The following HEPACAM2 variants were observed in gnomAD, a reference collection of about 807,000 sequenced individuals.
The protein encoded by HEPACAM2 is mitotic kinetics regulator.
HEPACAM2 carries 49 observed loss-of-function variants against 49.6 expected under a neutral mutation model. That is an observed-to-expected ratio of 0.99 (90% CI 0.78 to 1.25). The LOEUF (loss-of-function observed/expected upper bound fraction) is 1.25, where lower values mean the gene tolerates loss of function less well. Ranked by LOEUF, HEPACAM2 falls within the 50% of genes most tolerant of loss-of-function variation. HEPACAM2 has a pLI of 0.00. For synonymous variants in HEPACAM2, 197 were observed against 202.9 expected (o/e 0.97, Z 0.25); for missense variants, 525 against 557.2 (o/e 0.94, Z 0.58).
At chr7:93,199,782 AT>A (rs1402725367) in intron 4 of HEPACAM2, among the ~76,000 whole-genome samples, 18 of 151,970 alleles carry the variant, frequency 1.2e-4, no homozygotes, top group East Asian at 5.8e-4. Flanking sequence ...AATTTCCACT[AT>A]TTTTTTCCCT....
At chr7:93,222,168 C>T (rs1443571541) in intron 1 of HEPACAM2, among the ~76,000 whole-genome samples, 2 of 152,084 alleles carry the variant, frequency 1.3e-5, no homozygotes, top group Admixed American at 6.5e-5. Context: ...TTTAGTAAGA[C>T]ATTGGGCCTT....
Position 93,197,386 on chromosome 7 carries a change from T to C in HEPACAM2, c.1150A>G (p.Lys384Glu). 1 of 1,601,042 alleles carries C rather than the reference T, an allele frequency of 6.2e-7. No homozygotes were observed. The highest frequency in any genetic ancestry group is 8.5e-7 in the Non-Finnish European group (1 of 1,173,844). The change falls in exon 6 of 10, where the codon AAA (lysine) becomes GAA (glutamate). Residue 384 changes from lysine to glutamate, a missense_variant. By Grantham distance (56) the Lys-to-Glu change is moderately conservative (BLOSUM62 1). Transcript: ENST00000394468. ...CAGATGCATTACCTGCCTTCTAGTTTCTGTTTTATAACTAAAATCAAGAGA... is the reference window on the plus strand; with the variant it reads ...CAGATGCATTACCTGCCTTCTAGTTCCTGTTTTATAACTAAAATCAAGAGA... ...KYQPYKVIKQ[K>E]LEGRPETEYR...
intron 4 of HEPACAM2, 137 bp from the exon 5 acceptor site, chr7:93,197,747 G>C: frequency 1.7e-6 from 1 of 596,634 alleles, no homozygotes; most frequent in African/African-American, 1.9e-5. Context: ...CAGAGAGAGA[G>C]AGAGACCAAA....
At chr7:93,201,178 G>T (rs6979254) in intron 4 of HEPACAM2, among the ~76,000 whole-genome samples, 60,652 of 151,960 alleles carry the variant, frequency 0.4, 15,025 homozygotes, top group South Asian at 0.54. Flanking sequence ...CTGCTATATA[G>T]CTATGCTAGC....
the HEPACAM2 span, among the ~76,000 whole-genome samples, chr7:93,231,895 A>T: frequency 6.6e-6 from 1 of 152,022 alleles, no homozygotes; most frequent in East Asian, 1.9e-4. Context: ...CTCAGGCCAA[A>T]CCCAGCGCGC....
intron 2 of HEPACAM2, among the ~76,000 whole-genome samples, chr7:93,218,753 A>G (rs10235606): frequency 0.6 from 90,627 of 151,786 alleles, 30,008 homozygotes; most frequent in African/African-American, 0.9. Context: ...CAAAAATAGG[A>G]CTCTTCCCAG....
chr7:93,222,807 C>T (rs1487760318), intron 1 of HEPACAM2, among the ~76,000 whole-genome samples: 1 of 152,026 alleles, frequency 6.6e-6, no homozygotes. Context: ...GTAGCAGCTA[C>T]CTATATTTGA....
intron 2 of HEPACAM2, among the ~76,000 whole-genome samples, chr7:93,216,427 A>C (rs1794309487): frequency 1.3e-5 from 2 of 152,214 alleles, no homozygotes; most frequent in South Asian, 4.1e-4. Flanking sequence ...AAGTCATAGG[A>C]AAATAGTCTT....
intron 2 of HEPACAM2, among the ~76,000 whole-genome samples, chr7:93,218,282 G>A (rs182622323): frequency 1.3e-5 from 2 of 152,242 alleles, no homozygotes; most frequent in East Asian, 1.9e-4. Context: ...TAGAAGCAGG[G>A]AGAGTAGGTG....
In HEPACAM2 at chr7:93,226,372, GAGA is replaced by G. The variant is rs1794540467; in HGVS notation, c.72_74del (p.Leu25del). On this transcript the variant is annotated inframe_deletion, in exon 1 of 10. Transcript: ENST00000394468. ...ACAATTCACACAGGGCCTTACCGAA[GAGA>G]AGGAGGTATATTTTGCACTGAAAGA... 2 of 1,609,534 alleles carry G rather than the reference GAGA, an allele frequency of 1.2e-6. No homozygotes were observed. The highest frequency in any genetic ancestry group is 1.1e-5 in the South Asian group (1 of 90,958).
chr7:93,218,998 A>T (rs960757524), intron 2 of HEPACAM2, 103 bp downstream of exon 2: 2 of 911,448 alleles, frequency 2.2e-6, no homozygotes, highest in African/African-American at 3.3e-5. Flanking sequence ...TGATTTGTGC[A>T]AAGTTGTGAA....
intron 9 of HEPACAM2, among the ~76,000 whole-genome samples, chr7:93,189,984 C>A (rs182773893): frequency 1.5e-3 from 228 of 152,080 alleles, no homozygotes; most frequent in Non-Finnish European, 2.8e-3. Context: ...CTATAGGTGG[C>A]ATTTATTCTA....
rs755018349 is a variant in HEPACAM2, at chr7:93,219,371, G to A, written c.160C>T (p.His54Tyr). Residue 54 changes from histidine to tyrosine, a missense_variant, in exon 2 of 10, where the codon CAC becomes TAC. Physicochemically the swap from His to Tyr is moderately conservative, Grantham distance 83 (BLOSUM62 2). Transcript: ENST00000394468. ...VRGQALYLPV[H>Y]YGFHTPASDI... ...GATGCTGGAGTGTGGAAGCCATAGT[G>A]GACGGGTAGGTAGAGGGCCTGACCT... is the stretch of plus-strand genomic sequence containing the variant. 2 of 1,614,012 alleles carry A rather than the reference G, an allele frequency of 1.2e-6. No individual in the cohort carries two copies. Among genetic ancestry groups the A allele is most frequent in the Admixed American group, 1.7e-5 (1 of 59,986 alleles).
At chr7:93,211,887 T>C (rs1415921153) in intron 3 of HEPACAM2, among the ~76,000 whole-genome samples, 2 of 152,032 alleles carry the variant, frequency 1.3e-5, no homozygotes, top group Non-Finnish European at 2.9e-5. Context: ...CCACTCAATT[T>C]AGGTCTTCGT....
intron 2 of HEPACAM2, among the ~76,000 whole-genome samples, chr7:93,217,513 C>T (rs1794333137): frequency 6.6e-6 from 1 of 152,090 alleles, no homozygotes; most frequent in Non-Finnish European, 1.5e-5. Flanking sequence ...ATGGAAATTC[C>T]CTTTAGATCT....
chr7:93,217,932 C>T (rs1003805435), intron 2 of HEPACAM2, among the ~76,000 whole-genome samples: 1 of 146,906 alleles, frequency 6.8e-6, no homozygotes, highest in African/African-American at 2.5e-5. Context: ...AGTGAGATTA[C>T]ATTTTATATA....
At chr7:93,201,572 G>GA (rs1793883938) in intron 4 of HEPACAM2, among the ~76,000 whole-genome samples, 1 of 151,896 alleles carries the variant, frequency 6.6e-6, no homozygotes, top group South Asian at 2.1e-4. Flanking sequence ...TTACAGTTGG[G>GA]AAATCTAAGA....
intron 1 of HEPACAM2, among the ~76,000 whole-genome samples, chr7:93,224,340 A>G (rs889254003): frequency 6.6e-6 from 1 of 152,136 alleles, no homozygotes; most frequent in African/African-American, 2.4e-5. Flanking sequence ...AGTAGTCCAA[A>G]TATTTGGACT....
intron 1 of HEPACAM2, among the ~76,000 whole-genome samples, chr7:93,219,952 A>C (rs1244633232): frequency 1.3e-5 from 2 of 152,234 alleles, no homozygotes; most frequent in Non-Finnish European, 2.9e-5. Context: ...GCCAAATGCA[A>C]ATATCCCAAG....
Sources: allele counts gnomAD v4.1 joint callset (sites outside exome capture counted in the v4.1 genomes callset), GRCh38; gene constraint gnomAD v4.1.1; transcripts MANE v1.5; gene names NCBI Gene and HGNC (gene_info 2026-07-23, HGNC 2026-07-21).